Variants in ADCK1 observed in about 807,000 individuals in gnomAD.
ADCK1 encodes aarF domain containing kinase 1, also known as aarF domain-containing protein kinase 1.
Under a neutral mutation model 52.3 loss-of-function variants are expected in ADCK1, and 41 were observed. That is an observed-to-expected ratio of 0.78 (90% CI 0.61 to 1.02). ADCK1 has a LOEUF of 1.02. Among genes scored for constraint, ADCK1 ranks in the 50% least tolerant of loss-of-function variants. The probability of loss-of-function intolerance (pLI) is 0.00; values close to 1 mark genes in which losing one functional copy is unlikely to be tolerated. For synonymous variants in ADCK1, 250 were observed against 274.6 expected (o/e 0.91, Z 0.89); for missense variants, 658 against 679.5 (o/e 0.97, Z 0.35).
intron 3 of ADCK1, among the ~76,000 whole-genome samples, chr14:77,827,320 C>T (rs1450452465): frequency 6.8e-6 from 1 of 147,088 alleles, no homozygotes; most frequent in Non-Finnish European, 1.5e-5. Flanking sequence ...CCACTGCACT[C>T]CAGCCTGGCT....
chr14:77,897,702 A>G (rs571363321), intron 5 of ADCK1, among the ~76,000 whole-genome samples: 32 of 152,276 alleles, frequency 2.1e-4, no homozygotes, highest in African/African-American at 7.5e-4. Flanking sequence ...TTTATTATGA[A>G]ACATTTTAGA....
chr14:77,836,872 T>C (rs937493862), intron 3 of ADCK1, among the ~76,000 whole-genome samples: 1 of 150,936 alleles, frequency 6.6e-6, no homozygotes, highest in Non-Finnish European at 1.5e-5. Flanking sequence ...CCCCCGGGTT[T>C]AAGCGATTCC....
intron 7 of ADCK1, among the ~76,000 whole-genome samples, chr14:77,916,926 T>C (rs2083938627): frequency 6.6e-6 from 1 of 152,176 alleles, no homozygotes; most frequent in Non-Finnish European, 1.5e-5. Context: ...GAGATTATGG[T>C]AAAATGCTCT....
intron 1 of ADCK1, among the ~76,000 whole-genome samples, chr14:77,803,797 T>C (rs187871198): frequency 2.6e-5 from 4 of 152,308 alleles, no homozygotes; most frequent in African/African-American, 9.6e-5. Context: ...AACAGTTGCA[T>C]TTACTTGAGA....
rs2084415117 is a variant in ADCK1 at position 77,934,810 on chromosome 14, G to T, written c.*1419G>T. On this transcript the variant is annotated 3_prime_UTR_variant, in exon 11 of 11. Transcript: ENST00000238561. Reference sequence around the variant, plus strand: ...CTCTTTATTCATAGTACAGCAAGCAGATTTTTCAGTGATCAGTGACAATTC... The same window carrying T: ...CTCTTTATTCATAGTACAGCAAGCATATTTTTCAGTGATCAGTGACAATTC... 1.3e-5 allele frequency: 2 copies of T among 152,178 alleles called. No individual in the cohort carries two copies. Among genetic ancestry groups the T allele is most frequent in the Admixed American group, 1.3e-4 (2 of 15,282 alleles). 9.4% of individuals were successfully genotyped at this position (152,178 alleles called of 1,614,324 possible).
chr14:77,839,448 C>T (rs1204465552), intron 3 of ADCK1, among the ~76,000 whole-genome samples: 1 of 152,060 alleles, frequency 6.6e-6, no homozygotes, highest in Non-Finnish European at 1.5e-5. Context: ...TGAGAGGTGC[C>T]TGCCAAGCTG....
chr14:77,871,029 G>A (rs948960125), intron 4 of ADCK1, among the ~76,000 whole-genome samples: 4 of 152,232 alleles, frequency 2.6e-5, no homozygotes, highest in African/African-American at 9.6e-5. Context: ...GGAGCCTCAG[G>A]CCTGCCCAGA....
intron 9 of ADCK1, 67 bp downstream of exon 9, chr14:77,926,028 A>G: frequency 1.9e-6 from 3 of 1,580,306 alleles, no homozygotes; most frequent in Non-Finnish European, 2.6e-6. Flanking sequence ...TGGCCTGTGG[A>G]CCCCTTCCAA....
intron 5 of ADCK1, among the ~76,000 whole-genome samples, chr14:77,893,027 T>G (rs1014477056): frequency 1.3e-5 from 2 of 152,170 alleles, no homozygotes; most frequent in Non-Finnish European, 2.9e-5. Context: ...TGGTGTTCAG[T>G]GAATCTGATG....
intron 3 of ADCK1, among the ~76,000 whole-genome samples, chr14:77,828,492 T>C (rs1208285174): frequency 1.3e-5 from 2 of 152,208 alleles, no homozygotes; most frequent in Admixed American, 1.3e-4. Context: ...TAATTGGAAT[T>C]CTTCTGTGAG....
chr14:77,808,579 T>A (rs1315854952), intron 1 of ADCK1, among the ~76,000 whole-genome samples: 3 of 150,370 alleles, frequency 2.0e-5, no homozygotes, highest in Non-Finnish European at 4.4e-5. Flanking sequence ...TTTATTTATT[T>A]ATTAATTTAT....
intron 4 of ADCK1, among the ~76,000 whole-genome samples, chr14:77,864,348 A>G (rs1488501851): frequency 6.6e-6 from 1 of 152,230 alleles, no homozygotes; most frequent in Admixed American, 6.5e-5. Flanking sequence ...CCAAGAATAT[A>G]AACTGTTTAT....
At chr14:77,844,671 T>C (rs2082140708) in intron 3 of ADCK1, among the ~76,000 whole-genome samples, 1 of 152,128 alleles carries the variant, frequency 6.6e-6, no homozygotes, top group Non-Finnish European at 1.5e-5. Flanking sequence ...TAGATGATGG[T>C]GTGACAGACT....
intron 5 of ADCK1, among the ~76,000 whole-genome samples, chr14:77,889,843 A>G (rs1381561836): frequency 6.8e-6 from 1 of 146,028 alleles, no homozygotes; most frequent in Non-Finnish European, 1.5e-5. Flanking sequence ...TGATAGATGA[A>G]TGTGGTGGAG....
intron 7 of ADCK1, among the ~76,000 whole-genome samples, chr14:77,916,865 T>A (rs1431097021): frequency 2.0e-5 from 3 of 152,198 alleles, no homozygotes; most frequent in African/African-American, 7.2e-5. Flanking sequence ...TGGGCAGCTG[T>A]TTTTAATCGA....
intron 4 of ADCK1, among the ~76,000 whole-genome samples, chr14:77,883,769 A>G (rs1329556508): frequency 6.6e-6 from 1 of 152,262 alleles, no homozygotes; most frequent in East Asian, 1.9e-4. Context: ...CTCATTCCCC[A>G]TGCCTATCTT....
rs1436379197 is a variant in ADCK1, at chr14:77,923,265, A to G, written c.859-1192A>G. 6.6e-6 allele frequency: 1 copy of G among 152,316 alleles called. No homozygotes were observed. The highest frequency in any genetic ancestry group is 1.5e-5 in the Non-Finnish European group (1 of 68,072). 9.4% of individuals were successfully genotyped at this position (152,316 alleles called of 1,614,324 possible). A position where few individuals can be genotyped will look rare whatever the true frequency, so the allele number is the denominator to read the frequency against. On this transcript the variant is annotated intron_variant, in intron 7 of 10. Coordinates refer to ENST00000238561, the MANE Select transcript of ADCK1 (RefSeq NM_020421.4). This position sits in a 1 kb window ranked among gnomAD's most constrained non-coding sequence, Gnocchi z 4.3. Reference sequence around the variant, plus strand: ...GAGGTGATGCTGATCTGGGATGGGAAGGAAGAGAGAGGGTAAGCCAGGTGA... The same window carrying G: ...GAGGTGATGCTGATCTGGGATGGGAGGGAAGAGAGAGGGTAAGCCAGGTGA...
Position 77,931,680 on chromosome 14 carries a change from A to T in ADCK1, c.1369A>T (p.Met457Leu). The T allele has an allele frequency of 6.2e-7, 1 of 1,606,660 alleles. No individual in the cohort carries two copies. The highest frequency in any genetic ancestry group is 8.5e-7 in the Non-Finnish European group (1 of 1,179,952). ...CGCCAGCGCCAGCTCCTTTCTCAAC[A>T]TGTCACGTTGCTGCATCAGAGCGCT... is the stretch of plus-strand genomic sequence containing the variant. ...TRASASSFLN[M>L]SRCCIRALAE... Residue 457 changes from methionine to leucine, a missense_variant, in exon 10 of 11, where the codon ATG becomes TTG. By Grantham distance (15) the Met-to-Leu change is conservative (BLOSUM62 2). Transcript: ENST00000238561.
chr14:77,858,968 C>G (rs2082483199), intron 3 of ADCK1, 108 bp from the exon 4 acceptor site: 1 of 1,028,016 alleles, frequency 9.7e-7, no homozygotes, highest in Non-Finnish European at 1.4e-6. Flanking sequence ...CTGCCCTGGG[C>G]ATTGTGGGGT....
Sources: allele counts gnomAD v4.1 joint callset (sites outside exome capture counted in the v4.1 genomes callset), GRCh38; gene constraint gnomAD v4.1.1; non-coding constraint Gnocchi (gnomAD v3.1); transcripts MANE v1.5; gene names NCBI Gene and HGNC (gene_info 2026-07-23, HGNC 2026-07-21).